ASIC2: variants seen among roughly 807,000 people sequenced by gnomAD.
ASIC2 encodes acid sensing ion channel subunit 2, also known as acid-sensing ion channel 2.
Under a neutral mutation model 57.3 loss-of-function variants are expected in ASIC2, and 25 were observed. The observed-to-expected ratio is 0.44, with a 90% CI of 0.32 to 0.61. ASIC2 has a LOEUF of 0.61. ASIC2 is among the 20% of genes least tolerant of loss of function. The probability of loss-of-function intolerance (pLI) is 0.06; values close to 1 mark genes in which losing one functional copy is unlikely to be tolerated. For missense variants in ASIC2, 641 were observed against 738.1 expected, an observed-to-expected ratio of 0.87 and a Z score of 1.52; for synonymous variants, 319 against 307.5, an observed-to-expected ratio of 1.04 and a Z score of -0.39.
chr17:33,637,641 A>G (rs1224019595), intron 1 of ASIC2, among the ~76,000 whole-genome samples: 2 of 152,186 alleles, frequency 1.3e-5, no homozygotes, highest in Non-Finnish European at 2.9e-5. Flanking sequence ...AATATACACA[A>G]TGCTATCTGT....
chr17:33,863,725 C>A (rs1306443887), intron 1 of ASIC2, among the ~76,000 whole-genome samples: 3 of 152,174 alleles, frequency 2.0e-5, no homozygotes, highest in African/African-American at 7.2e-5. Context: ...AGGAGAAATT[C>A]TCAAAGTGGT....
chr17:33,555,821 G>A (rs1915891321), intron 1 of ASIC2, among the ~76,000 whole-genome samples: 1 of 152,084 alleles, frequency 6.6e-6, no homozygotes, highest in African/African-American at 2.4e-5. Flanking sequence ...GTTTGAGCCG[G>A]TTTAAGTACA....
rs1245512298 is a variant in ASIC2, at chr17:34,039,297, C to T, written c.555+116681G>A. On this transcript the variant is annotated intron_variant, in intron 1 of 9. Coordinates refer to the ASIC2 transcript ENST00000359872. Reference sequence around the variant, plus strand: ...TCTGTTTTTGGGAGCTGCAGGAATGCTCTGTGTTGCCAGATCCCGTAGATG... The same window carrying T: ...TCTGTTTTTGGGAGCTGCAGGAATGTTCTGTGTTGCCAGATCCCGTAGATG... 5.6e-6 allele frequency: 9 copies of T among 1,613,806 alleles called. No homozygotes were observed. The Admixed American group carries it at 1.2e-4, about 21-fold the overall frequency.
intron 1 of ASIC2, among the ~76,000 whole-genome samples, chr17:33,832,066 A>G (rs974548826): frequency 1.3e-5 from 2 of 152,214 alleles, no homozygotes; most frequent in African/African-American, 4.8e-5. Context: ...CAGAAAGGGA[A>G]TAACTGGAGT....
chr17:33,785,043 T>C (rs770459141), intron 1 of ASIC2, among the ~76,000 whole-genome samples: 10 of 152,084 alleles, frequency 6.6e-5, no homozygotes, highest in Admixed American at 1.3e-4. Flanking sequence ...AAGTCCTAAC[T>C]CCCAGGGCTT....
chr17:33,233,727 T>A (rs1908195117), intron 1 of ASIC2, among the ~76,000 whole-genome samples: 1 of 152,106 alleles, frequency 6.6e-6, no homozygotes, highest in Non-Finnish European at 1.5e-5. Flanking sequence ...AATTCCAATG[T>A]CAGATGACTT....
intron 1 of ASIC2, among the ~76,000 whole-genome samples, chr17:33,353,415 C>T (rs1908258036): frequency 6.6e-6 from 1 of 152,196 alleles, no homozygotes; most frequent in Non-Finnish European, 1.5e-5. Flanking sequence ...CTGCTCACTG[C>T]ACCCTTGATC....
intron 1 of ASIC2, among the ~76,000 whole-genome samples, chr17:33,829,109 G>C (rs1335230721): frequency 6.6e-6 from 1 of 152,204 alleles, no homozygotes; most frequent in Non-Finnish European, 1.5e-5. Flanking sequence ...CTGACTTCCA[G>C]CCTATGCACT....
At chr17:33,120,167 T>C (rs2092296151) in intron 1 of ASIC2, among the ~76,000 whole-genome samples, 1 of 152,202 alleles carries the variant, frequency 6.6e-6, no homozygotes, top group East Asian at 1.9e-4. Context: ...ATGTATGATA[T>C]GGTAACGTGA....
intron 2 of ASIC2, among the ~76,000 whole-genome samples, chr17:33,091,718 C>A (rs1484577384): frequency 6.6e-6 from 1 of 152,102 alleles, no homozygotes; most frequent in African/African-American, 2.4e-5. Flanking sequence ...CCTAAAGTAG[C>A]CTCAGTTTTT....
intron 1 of ASIC2, among the ~76,000 whole-genome samples, chr17:34,072,809 C>G (rs1909469958): frequency 6.6e-6 from 1 of 152,186 alleles, no homozygotes; most frequent in Non-Finnish European, 1.5e-5. Context: ...CATCATAGGG[C>G]TACACCATAA....
rs572228623 is a variant in ASIC2, at chr17:33,862,391, GTTTTTCT to G, written c.555+293580_555+293586del. Among the ~76,000 whole-genome samples the G allele has an allele frequency of 1.7e-3, 261 of 151,964 alleles. 3 individuals are homozygous for G. The highest frequency in any genetic ancestry group is 6.1e-3 in the African/African-American group (252 of 41,418). On this transcript the variant is annotated intron_variant, in intron 1 of 9. Coordinates refer to the ASIC2 transcript ENST00000359872. The stretch of plus-strand genomic sequence containing the variant: ...ATATTTGCTTGGAATTTATGTCCCT[GTTTTTCT>G]TTTTGAAATTTTATTTTAATTGACA...
At chr17:34,139,161 C>G (rs1912203604) in intron 1 of ASIC2, among the ~76,000 whole-genome samples, 1 of 152,144 alleles carries the variant, frequency 6.6e-6, no homozygotes, top group Admixed American at 6.5e-5. Context: ...GGAGAGGAGG[C>G]AATGGAGCTA....
At chr17:33,601,728 GACTCCA>G (rs1905119207) in intron 1 of ASIC2, among the ~76,000 whole-genome samples, 1 of 152,214 alleles carries the variant, frequency 6.6e-6, no homozygotes, top group Non-Finnish European at 1.5e-5. Context: ...TGCAAGACAA[GACTCCA>G]ACCTGTGAGA....
intron 1 of ASIC2, among the ~76,000 whole-genome samples, chr17:33,481,591 G>GAT: frequency 6.6e-6 from 1 of 152,328 alleles, no homozygotes; most frequent in Non-Finnish European, 1.5e-5. Context: ...GCACACATGA[G>GAT]ATGTTTGAGA....
chr17:33,830,005 G>A (rs1913055152), intron 1 of ASIC2, among the ~76,000 whole-genome samples: 1 of 152,130 alleles, frequency 6.6e-6, no homozygotes, highest in Non-Finnish European at 1.5e-5. Context: ...TCACTGAAAA[G>A]GAGGGTGATT....
intron 1 of ASIC2, among the ~76,000 whole-genome samples, chr17:33,449,627 T>C (rs1912170693): frequency 6.6e-6 from 1 of 152,178 alleles, no homozygotes; most frequent in South Asian, 2.1e-4. Flanking sequence ...AACCACCCTT[T>C]AGTATAAAAA....
At chr17:33,107,797 A>G (rs2092241252) in intron 2 of ASIC2, among the ~76,000 whole-genome samples, 1 of 152,158 alleles carries the variant, frequency 6.6e-6, no homozygotes, top group African/African-American at 2.4e-5. Flanking sequence ...CCTTCCTGTT[A>G]GTTAGAATTA....
chr17:33,205,738 A>C (rs1907036182), intron 1 of ASIC2, among the ~76,000 whole-genome samples: 1 of 152,148 alleles, frequency 6.6e-6, no homozygotes. Context: ...TGGCTTGGTG[A>C]TATGACATCA....
Sources: allele counts gnomAD v4.1 joint callset (sites outside exome capture counted in the v4.1 genomes callset), GRCh38; gene constraint gnomAD v4.1.1; transcripts MANE v1.5; gene names NCBI Gene and HGNC (gene_info 2026-07-23, HGNC 2026-07-21).